RALYL: variants seen among roughly 807,000 people sequenced by gnomAD.
RALYL encodes RALY RNA binding protein like.
In RALYL, 29 loss-of-function variants were observed where a neutral mutation model predicts 35.1. That is an observed-to-expected ratio of 0.83 (90% CI 0.61 to 1.13). The LOEUF (loss-of-function observed/expected upper bound fraction) is 1.13, where lower values mean the gene tolerates loss of function less well. RALYL is among the 50% of genes most tolerant of loss of function. The probability of loss-of-function intolerance (pLI) is 0.00; values close to 1 mark genes in which losing one functional copy is unlikely to be tolerated. For missense variants in RALYL, 359 were observed against 360.4 expected (o/e 1.00, Z 0.03); for synonymous variants, 120 against 127.6 (o/e 0.94, Z 0.40).
chr8:84,674,307 A>G (rs1005800950), intron 2 of RALYL, among the ~76,000 whole-genome samples: 1 of 152,184 alleles, frequency 6.6e-6, no homozygotes, highest in Admixed American at 6.5e-5. Flanking sequence ...ATATAGGACC[A>G]TGTCTTCTGC....
intron 1 of RALYL, among the ~76,000 whole-genome samples, chr8:84,350,910 A>G (rs1007550322): frequency 6.7e-6 from 1 of 150,148 alleles, no homozygotes; most frequent in East Asian, 1.9e-4. Flanking sequence ...ATTATTTTAC[A>G]GTAGGAAATA....
intron 1 of RALYL, among the ~76,000 whole-genome samples, chr8:84,516,444 T>A (rs999104119): frequency 2.0e-5 from 3 of 151,954 alleles, no homozygotes; most frequent in Admixed American, 2.0e-4. Flanking sequence ...TTGTGGCTCG[T>A]TTTTAGAGCT....
At chr8:84,730,503 C>T (rs1329545956) in intron 2 of RALYL, among the ~76,000 whole-genome samples, 2 of 141,570 alleles carry the variant, frequency 1.4e-5, no homozygotes, top group Non-Finnish European at 3.1e-5. Context: ...CTCACCACTC[C>T]TATTCAACAT....
At chr8:84,653,049 A>T (rs1829176755) in intron 2 of RALYL, among the ~76,000 whole-genome samples, 1 of 152,222 alleles carries the variant, frequency 6.6e-6, no homozygotes, top group South Asian at 2.1e-4. Flanking sequence ...TATACCAGTT[A>T]GTCCAATGCT....
chr8:84,463,083 T>C (rs1466522983), intron 1 of RALYL, among the ~76,000 whole-genome samples: 2 of 151,990 alleles, frequency 1.3e-5, no homozygotes, highest in Non-Finnish European at 1.5e-5. Flanking sequence ...TCATTGACTT[T>C]CATATTTGTT....
intron 4 of RALYL, among the ~76,000 whole-genome samples, chr8:84,823,025 G>A (rs370923541): frequency 2.8e-4 from 43 of 152,268 alleles, no homozygotes; most frequent in African/African-American, 1.0e-3. Flanking sequence ...CAGTAAAGCA[G>A]TGCCAATCAA....
chr8:84,557,611 CTTTAAT>C (rs1279645688), intron 2 of RALYL, among the ~76,000 whole-genome samples: 2 of 152,148 alleles, frequency 1.3e-5, no homozygotes, highest in African/African-American at 4.8e-5. Context: ...CTGACTCATA[CTTTAAT>C]TTAAACATAG....
intron 2 of RALYL, among the ~76,000 whole-genome samples, chr8:84,720,011 C>A (rs758369274): frequency 2.0e-5 from 3 of 152,058 alleles, no homozygotes; most frequent in Non-Finnish European, 4.4e-5. Flanking sequence ...TAAACGATAT[C>A]ATATTTGTCT....
intron 2 of RALYL, among the ~76,000 whole-genome samples, chr8:84,690,439 A>C (rs1837797674): frequency 6.6e-6 from 1 of 152,096 alleles, no homozygotes; most frequent in Non-Finnish European, 1.5e-5. Context: ...CAGGATGAAT[A>C]AGTTTGGGAG....
intron 2 of RALYL, among the ~76,000 whole-genome samples, chr8:84,717,165 C>T (rs1434859781): frequency 6.6e-6 from 1 of 152,066 alleles, no homozygotes; most frequent in East Asian, 1.9e-4. Context: ...CCAACCTGGG[C>T]GACAGAGCGG....
At chr8:84,518,540 TATCTA>T (rs1301540843) in intron 1 of RALYL, among the ~76,000 whole-genome samples, 1 of 152,238 alleles carries the variant, frequency 6.6e-6, no homozygotes, top group African/African-American at 2.4e-5. Flanking sequence ...AACTTTATCT[TATCTA>T]GACATACAGT....
chr8:84,477,297 C>T (rs149607115), intron 1 of RALYL, among the ~76,000 whole-genome samples: 65 of 151,908 alleles, frequency 4.3e-4, no homozygotes, highest in South Asian at 1.0e-3. Context: ...TCTCCTTTAG[C>T]ATCTAACGCT....
At chr8:84,570,046 A>T (rs1372847196) in intron 2 of RALYL, among the ~76,000 whole-genome samples, 1 of 151,684 alleles carries the variant, frequency 6.6e-6, no homozygotes, top group Non-Finnish European at 1.5e-5. Flanking sequence ...CTTCTTTTTG[A>T]TGAGGATTGC....
intron 1 of RALYL, among the ~76,000 whole-genome samples, chr8:84,430,520 T>C (rs1214404273): frequency 6.6e-6 from 1 of 152,088 alleles, no homozygotes; most frequent in East Asian, 1.9e-4. Flanking sequence ...CTATTCTCCA[T>C]CTGAGACCTA....
chr8:84,191,598 G>A (rs1305504021), intron 1 of RALYL, among the ~76,000 whole-genome samples: 1 of 152,092 alleles, frequency 6.6e-6, no homozygotes, highest in Non-Finnish European at 1.5e-5. Flanking sequence ...CAGAAAGTAA[G>A]GAAATGGTCA....
intron 4 of RALYL, among the ~76,000 whole-genome samples, chr8:84,806,960 G>A (rs992759244): frequency 3.3e-5 from 5 of 152,020 alleles, no homozygotes; most frequent in African/African-American, 1.2e-4. Context: ...ACAATGAACC[G>A]AGATCGCACC....
At chr8:84,423,469 A>G (rs2045935632) in intron 1 of RALYL, among the ~76,000 whole-genome samples, 1 of 152,022 alleles carries the variant, frequency 6.6e-6, no homozygotes, top group Admixed American at 6.5e-5. Context: ...GTTTTCCTGA[A>G]TACAGCACAC....
At chr8:84,367,620 A>C (rs1009142836) in intron 1 of RALYL, among the ~76,000 whole-genome samples, 4 of 151,806 alleles carry the variant, frequency 2.6e-5, no homozygotes, top group Non-Finnish European at 5.9e-5. Context: ...AAAAGCATAG[A>C]CCTTTTCTAT....
chr8:84,673,489 T>C (rs911278967), intron 2 of RALYL, among the ~76,000 whole-genome samples: 1 of 152,180 alleles, frequency 6.6e-6, no homozygotes, highest in Non-Finnish European at 1.5e-5. Flanking sequence ...TCTTCCAGGA[T>C]TTTTATAGGT....
Sources: allele counts gnomAD v4.1 joint callset (sites outside exome capture counted in the v4.1 genomes callset), GRCh38; gene constraint gnomAD v4.1.1; transcripts MANE v1.5; gene names NCBI Gene and HGNC (gene_info 2026-07-23, HGNC 2026-07-21).